Variants in ZNF888 observed in about 807,000 individuals in gnomAD.
ZNF888 encodes the protein CTD-2331H12.6.
Under a neutral mutation model 7.2 loss-of-function variants are expected in ZNF888, and 5 were observed. That is an observed-to-expected ratio of 0.70 (90% CI 0.36 to 1.46). ZNF888 has a LOEUF of 1.46. Ranked by LOEUF, ZNF888 falls within the 40% of genes most tolerant of loss-of-function variation. The probability of loss-of-function intolerance (pLI) is 0.03; values close to 1 mark genes in which losing one functional copy is unlikely to be tolerated. For synonymous variants in ZNF888, 240 were observed against 284.3 expected, an observed-to-expected ratio of 0.84 and a Z score of 1.57; for missense variants, 716 against 858.0, an observed-to-expected ratio of 0.83 and a Z score of 2.07.
chr19:52,916,836 C>T lies in ZNF888; in HGVS notation c.15+1023G>A, dbSNP rs1007252767. ...TGGAGGATGAAGAATCACTTGAACCCGGGAGGCAAAGTTTGCAGTAAGCCA... is the reference window on the plus strand; with the variant it reads ...TGGAGGATGAAGAATCACTTGAACCTGGGAGGCAAAGTTTGCAGTAAGCCA... On this transcript the variant is annotated intron_variant, in intron 3 of 4. Coordinates refer to ENST00000638862, the MANE Select transcript of ZNF888 (RefSeq NM_001393938.1). 5.3e-5 allele frequency among the ~76,000 whole-genome samples: 8 copies of T among 151,636 alleles called. No individual in the cohort carries two copies. In the East Asian group the frequency reaches 5.8e-4, roughly 11 times the overall value.
chr19:52,910,149 CAAAAAAAAAAAAA>C (rs71335690), intron 4 of ZNF888, among the ~76,000 whole-genome samples: 18,016 of 84,236 alleles, frequency 0.21, 2,310 homozygotes, highest in African/African-American at 0.4. Context: ...GACTTCGTCT[CAAAAAAAAAAAAA>C]AAAAAAAAAA....
At position 52,906,386 on chromosome 19, in the gene ZNF888, C is replaced by A; in HGVS notation, c.1936G>T (p.Asp646Tyr). The A allele has an allele frequency of 6.2e-7, 1 of 1,612,546 alleles. No individual in the cohort carries two copies. The highest frequency in any genetic ancestry group is 8.5e-7 in the Non-Finnish European group (1 of 1,179,310). ...CTCTGATGTTGTGCAAGGTATGAAT[C>A]ACGCCCAAAAGCCTTGTCGCAAACC... ...CRVCDKAFGR[D>Y]SYLAQHQRVH... The change falls in exon 5 of 5, where the codon GAT (aspartate) becomes TAT (tyrosine). Residue 646 changes from aspartate (D) to tyrosine (Y), a missense_variant. By Grantham distance (160) the Asp-to-Tyr change is radical (BLOSUM62 -3). Transcript: ENST00000638862.
At chr19:52,911,067 C>T (rs1279397776) in intron 4 of ZNF888, among the ~76,000 whole-genome samples, 7 of 152,136 alleles carry the variant, frequency 4.6e-5, no homozygotes, top group East Asian at 1.9e-4. Flanking sequence ...TTAGTAGACA[C>T]GGGATTTCAC....
At chr19:52,922,473 CT>C (rs1247916155) in intron 1 of ZNF888, among the ~76,000 whole-genome samples, 4 of 152,066 alleles carry the variant, frequency 2.6e-5, no homozygotes, top group Non-Finnish European at 5.9e-5. Context: ...TTTGCTGCCC[CT>C]CTCCCTACCT....
chr19:52,916,617 T>TATACATATACATATACATATAC (rs199730498), intron 3 of ZNF888, among the ~76,000 whole-genome samples: 7 of 16,084 alleles, frequency 4.4e-4, no homozygotes, highest in African/African-American at 8.7e-4. Flanking sequence ...TACATATACA[T>TATACATATACATATACATATAC]ATATATATAT....
chr19:52,914,847 AG>A (rs1239835917), intron 4 of ZNF888, among the ~76,000 whole-genome samples: 6 of 152,190 alleles, frequency 3.9e-5, no homozygotes, highest in Non-Finnish European at 7.4e-5. Context: ...TTGTATTTTT[AG>A]TAGAGACTGA....
rs78846622 is a variant in ZNF888 at position 52,921,693 on chromosome 19, C to T, written c.-178+1676G>A. On this transcript the variant is annotated intron_variant, in intron 1 of 4. Transcript: ENST00000638862. ...CTATTGACCTTGAAAATAGGGAGGC[C>T]GAGGTAGGTGGATCACCTGAGTTCA... 274 of 981,018 alleles carry T rather than the reference C, an allele frequency of 2.8e-4. 3 individuals are homozygous for T. In the East Asian group the frequency reaches 0.015, roughly 55 times the overall value. 60.8% of individuals were successfully genotyped at this position (981,018 alleles called of 1,614,324 possible).
At chr19:52,909,058 T>C (rs540333600) in intron 4 of ZNF888, among the ~76,000 whole-genome samples, 18 of 151,556 alleles carry the variant, frequency 1.2e-4, no homozygotes, top group African/African-American at 4.4e-4. Context: ...GGCAGGAGAA[T>C]TGCTTGAACC....
rs542063882 is a variant in ZNF888 at position 52,921,710 on chromosome 19, C to G, written c.-178+1659G>C. ...AGGGAGGCCGAGGTAGGTGGATCAC[C>G]TGAGTTCAGCAATTGTAGACCAGCC... On this transcript the variant is annotated intron_variant, in intron 1 of 4. Transcript: ENST00000638862. The G allele has an allele frequency of 1.4e-5, 13 of 935,354 alleles. No individual in the cohort carries two copies. In the South Asian group the frequency reaches 4.4e-4, roughly 32 times the overall value. The allele number at this position is 935,354 out of a possible 1,614,324, so 57.9% of individuals were successfully genotyped here.
Position 52,906,103 on chromosome 19 carries a change from T to C in ZNF888, c.*62A>G, listed in dbSNP as rs559256077. ...ACACTTGTAAGATCTCTATTCATTA[T>C]GGATTCTTCAATGATTTGCAATGGT... On this transcript the variant is annotated 3_prime_UTR_variant, in exon 5 of 5. Transcript: ENST00000638862. 1.2e-6 allele frequency: 2 copies of C among 1,610,004 alleles called. No homozygotes were observed. Among genetic ancestry groups the C allele is most frequent in the Non-Finnish European group, 1.7e-6 (2 of 1,176,714 alleles).
chr19:52,908,263 A>T, intron 4 of ZNF888, 84 bp from the exon 5 acceptor site: 1 of 1,323,510 alleles, frequency 7.6e-7, no homozygotes, highest in Non-Finnish European at 1.1e-6. Context: ...CACCAAAAAC[A>T]ATACTTATTT....
At chr19:52,911,500 A>G (rs980056413) in intron 4 of ZNF888, among the ~76,000 whole-genome samples, 2 of 151,054 alleles carry the variant, frequency 1.3e-5, no homozygotes, top group Non-Finnish European at 3.0e-5. Flanking sequence ...CACTATGCCC[A>G]GCTAATTTTT....
At position 52,906,382 on chromosome 19, in the gene ZNF888, G is replaced by A; in HGVS notation, c.1940C>T (p.Ser647Leu). ...RVCDKAFGRD[S>L]YLAQHQRVHT... ...AACTCTCTGATGTTGTGCAAGGTATGAATCACGCCCAAAAGCCTTGTCGCA... is the reference window on the plus strand; with the variant it reads ...AACTCTCTGATGTTGTGCAAGGTATAAATCACGCCCAAAAGCCTTGTCGCA... Residue 647 changes from serine (S) to leucine (L), a missense_variant, in exon 5 of 5, where the codon TCA becomes TTA. Around this residue, in one of 2 missense-constraint regions of ZNF888, gnomAD observed 697 missense variants for 803.4 expected, o/e 0.87. Coordinates refer to ENST00000638862, the MANE Select transcript of ZNF888 (RefSeq NM_001393938.1). 6.2e-7 allele frequency: 1 copy of A among 1,613,184 alleles called. No homozygotes were observed. The highest frequency in any genetic ancestry group is 8.5e-7 in the Non-Finnish European group (1 of 1,179,506).
chr19:52,920,938 T>TAAAAAAAAAAAA (rs145361548), intron 1 of ZNF888, among the ~76,000 whole-genome samples: 1 of 6,530 alleles, frequency 1.5e-4, no homozygotes. Context: ...CTTCAAATAT[T>TAAAAAAAAAAAA]AAAAAAAAAA....
At chr19:52,916,000 G>T (rs781144920) in intron 3 of ZNF888, among the ~76,000 whole-genome samples, 6 of 152,296 alleles carry the variant, frequency 3.9e-5, no homozygotes, top group African/African-American at 9.6e-5. Context: ...TAAAAGATCA[G>T]CCAGGTGCAG....
intron 3 of ZNF888, among the ~76,000 whole-genome samples, chr19:52,915,896 A>G (rs200369871): frequency 0.16 from 4,639 of 28,532 alleles, no homozygotes; most frequent in African/African-American, 0.21. Context: ...CTGCTATAGA[A>G]ATGTTTGAAA....
intron 1 of ZNF888, among the ~76,000 whole-genome samples, chr19:52,919,928 A>G (rs1484258458): frequency 3.8e-4 from 18 of 47,056 alleles, no homozygotes; most frequent in African/African-American, 4.0e-4. Context: ...TCCGGCAGCC[A>G]CCCCGTCTGG....
At position 52,905,857 on chromosome 19, in the gene ZNF888, T is replaced by A. The variant is rs777724585; in HGVS notation, c.*308A>T. ...TGTAAGATTTCTGTCCAGTATGGAT[T>A]CTTTGATGTCTAATGAGGTGTGAAC... On this transcript the variant is annotated 3_prime_UTR_variant, in exon 5 of 5. Transcript: ENST00000638862. 3 of 738,200 alleles carry A rather than the reference T, an allele frequency of 4.1e-6. No individual in the cohort carries two copies. Among genetic ancestry groups the A allele is most frequent in the Non-Finnish European group, 4.9e-6 (2 of 405,632 alleles). The allele number at this position is 738,200 out of a possible 1,614,324, so 45.7% of individuals were successfully genotyped here. A position where few individuals can be genotyped will look rare whatever the true frequency, so the allele number is the denominator to read the frequency against.
At position 52,908,847 on chromosome 19, in the gene ZNF888, A is replaced by G. The variant is rs1435002025; in HGVS notation, c.143-668T>C. 1.4e-4 allele frequency among the ~76,000 whole-genome samples: 20 copies of G among 144,668 alleles called. No individual in the cohort carries two copies. The South Asian group carries it at 4.3e-3, about 31-fold the overall frequency. 94.9% of individuals were successfully genotyped at this position (144,668 alleles called of 152,430 possible). A position where few individuals can be genotyped will look rare whatever the true frequency, so the allele number is the denominator to read the frequency against. Reference sequence around the variant, plus strand: ...GGTGACAAAGTGAGACTCGAGTCAAAAAAAAAAAAAAAAAAAAGGCAGGGC... The same window carrying G: ...GGTGACAAAGTGAGACTCGAGTCAAGAAAAAAAAAAAAAAAAAGGCAGGGC... On this transcript the variant is annotated intron_variant, in intron 4 of 4. Transcript: ENST00000638862.
Sources: gnomAD v4.1 joint callset for allele counts (sites outside exome capture counted in the v4.1 genomes callset) on GRCh38, gnomAD v4.1.1 for gene constraint, gnomAD v4.1.1 regional missense constraint, MANE v1.5 for transcripts, NCBI Gene and HGNC (gene_info 2026-07-23, HGNC 2026-07-21) for gene names.